ALKAL1: variants seen among roughly 807,000 people sequenced by gnomAD.
The protein encoded by ALKAL1 is ALK and LTK ligand 1.
ALKAL1 carries 23 observed loss-of-function variants against 13.5 expected under a neutral mutation model. The observed-to-expected ratio is 1.70, with a 90% CI of 1.23 to 2.41. The LOEUF is 2.41. Among genes scored for constraint, ALKAL1 ranks in the 30% most tolerant of loss-of-function variants. The probability of loss-of-function intolerance (pLI) is 0.00; values close to 1 mark genes in which losing one functional copy is unlikely to be tolerated. For synonymous variants in ALKAL1, 85 were observed against 77.7 expected, an observed-to-expected ratio of 1.09 and a Z score of -0.49; for missense variants, 181 against 178.4, an observed-to-expected ratio of 1.01 and a Z score of -0.08.
chr8:52,564,965 T>A, intron 1 of ALKAL1, 102 bp downstream of exon 1: 1 of 933,482 alleles, frequency 1.1e-6, no homozygotes, highest in Non-Finnish European at 1.4e-6. Context: ...TCTGCTGTAC[T>A]AATCTCAGGC....
chr8:52,538,542 A>G lies in ALKAL1; in HGVS notation c.326-35T>C, dbSNP rs762142173. Reference sequence around the variant, plus strand: ...ACATTTAAAGGTAAATTATATATAGAGTTACTAGAAATGTTGGGGAAATCC... The same window carrying G: ...ACATTTAAAGGTAAATTATATATAGGGTTACTAGAAATGTTGGGGAAATCC... On this transcript the variant is annotated intron_variant, in intron 3 of 4. Coordinates refer to ENST00000358543, the MANE Select transcript of ALKAL1 (RefSeq NM_207413.4). 17 of 1,373,538 alleles carry G rather than the reference A, an allele frequency of 1.2e-5. No individual in the cohort carries two copies. In the African/African-American group the frequency reaches 2.0e-4, roughly 16 times the overall value. 85.1% of individuals were successfully genotyped at this position (1,373,538 alleles called of 1,614,324 possible).
At chr8:52,540,643 G>A (rs929883830) in intron 2 of ALKAL1, among the ~76,000 whole-genome samples, 1 of 152,218 alleles carries the variant, frequency 6.6e-6, no homozygotes, top group African/African-American at 2.4e-5. Context: ...GCCTGAGGCA[G>A]GAGGATCCTT....
chr8:52,562,586 A>C (rs530038343), intron 1 of ALKAL1, among the ~76,000 whole-genome samples: 1 of 151,138 alleles, frequency 6.6e-6, no homozygotes. Context: ...CCTGGTTACT[A>C]CTCCCTCTAC....
At chr8:52,554,146 T>C (rs754700749) in intron 1 of ALKAL1, among the ~76,000 whole-genome samples, 11 of 152,026 alleles carry the variant, frequency 7.2e-5, no homozygotes, top group African/African-American at 1.4e-4. Flanking sequence ...ATCGCTTGAA[T>C]CCGGGAGGTG....
chr8:52,561,188 G>A (rs1336750809), intron 1 of ALKAL1, among the ~76,000 whole-genome samples: 5 of 152,122 alleles, frequency 3.3e-5, no homozygotes, highest in African/African-American at 1.2e-4. Context: ...TGTCTAAGTG[G>A]GCAGATATAA....
intron 4 of ALKAL1, among the ~76,000 whole-genome samples, chr8:52,535,550 C>CAAAA (rs10719477): frequency 3.5e-4 from 24 of 68,608 alleles, no homozygotes; most frequent in Admixed American, 4.4e-4. Flanking sequence ...GACCCTGTCT[C>CAAAA]AAAAAAAAAA....
intron 4 of ALKAL1, among the ~76,000 whole-genome samples, chr8:52,538,027 C>T (rs1590864414): frequency 6.7e-6 from 1 of 150,046 alleles, no homozygotes; most frequent in Non-Finnish European, 1.5e-5. Context: ...ACCTGGAAGG[C>T]GGAGATTGCA....
At chr8:52,560,646 T>A (rs572588318) in intron 1 of ALKAL1, among the ~76,000 whole-genome samples, 18 of 152,194 alleles carry the variant, frequency 1.2e-4, no homozygotes, top group Admixed American at 2.0e-4. Flanking sequence ...TCTGTTGACC[T>A]CTGCACAGAA....
chr8:52,542,490 TC>T (rs767718750), intron 1 of ALKAL1, 45 bp from the exon 2 acceptor site: 12 of 1,211,608 alleles, frequency 9.9e-6, no homozygotes, highest in Non-Finnish European at 1.4e-5. Flanking sequence ...AATGCATTTC[TC>T]CCATTTAAAA....
At chr8:52,563,140 G>A (rs1044229173) in intron 1 of ALKAL1, among the ~76,000 whole-genome samples, 10 of 152,190 alleles carry the variant, frequency 6.6e-5, no homozygotes, top group South Asian at 2.1e-4. Context: ...AACTATGGCC[G>A]GGCATAGTGG....
At chr8:52,546,608 T>G (rs2150345177) in intron 1 of ALKAL1, among the ~76,000 whole-genome samples, 1 of 152,356 alleles carries the variant, frequency 6.6e-6, no homozygotes, top group South Asian at 2.1e-4. Flanking sequence ...CATAAGCAAC[T>G]TCCTTTTCTT....
At chr8:52,563,888 C>T (rs1021725188) in intron 1 of ALKAL1, among the ~76,000 whole-genome samples, 1 of 152,184 alleles carries the variant, frequency 6.6e-6, no homozygotes, top group Non-Finnish European at 1.5e-5. Context: ...CCTTCCACAC[C>T]CAGGTGTGTG....
intron 1 of ALKAL1, among the ~76,000 whole-genome samples, chr8:52,561,228 G>T (rs1181055533): frequency 2.0e-5 from 3 of 152,072 alleles, no homozygotes; most frequent in Non-Finnish European, 4.4e-5. Context: ...GAGAGAATTT[G>T]GGCTGTACAA....
chr8:52,538,433 G>A lies in ALKAL1; in HGVS notation c.*10C>T. ...AAGAAAAATAAATATATACTCACAG[G>A]GTAGTTTTGCTAGGTCTGGGAGCAC... is the stretch of plus-strand genomic sequence containing the variant. On this transcript the variant is annotated splice_region_variant and 3_prime_UTR_variant, in exon 4 of 5. Transcript: ENST00000358543. 1.9e-6 allele frequency: 3 copies of A among 1,554,624 alleles called. No individual in the cohort carries two copies. Among genetic ancestry groups the A allele is most frequent in the East Asian group, 2.2e-5 (1 of 44,490 alleles).
intron 1 of ALKAL1, among the ~76,000 whole-genome samples, chr8:52,558,795 G>C (rs1847510471): frequency 6.6e-6 from 1 of 152,110 alleles, no homozygotes; most frequent in South Asian, 2.1e-4. Context: ...GTAGTGCTTT[G>C]TCATAGTCCG....
chr8:52,550,040 A>T (rs775366027), intron 1 of ALKAL1, among the ~76,000 whole-genome samples: 3 of 152,228 alleles, frequency 2.0e-5, no homozygotes, highest in Non-Finnish European at 4.4e-5. Flanking sequence ...GTTACATAAC[A>T]TCTGTACCAG....
At chr8:52,539,780 G>A (rs758957363) in intron 3 of ALKAL1, 51 bp downstream of exon 3, 7 of 1,294,392 alleles carry the variant, frequency 5.4e-6, no homozygotes, top group Non-Finnish European at 7.6e-6. Flanking sequence ...AAAATTAAAC[G>A]CATTTATTGT....
Position 52,535,108 on chromosome 8 carries a change from T to C in ALKAL1, c.*13-508A>G, listed in dbSNP as rs1459235030. Among the ~76,000 whole-genome samples the C allele has an allele frequency of 3.9e-5, 6 of 152,176 alleles. No individual in the cohort carries two copies. In the East Asian group the frequency reaches 1.2e-3, roughly 29 times the overall value. On this transcript the variant is annotated intron_variant, in intron 4 of 4. Coordinates refer to ENST00000358543, the MANE Select transcript of ALKAL1 (RefSeq NM_207413.4). ...AACACAGTACTTGTTTGGGAAAACT[T>C]TTCCAGTATTGTGTTGTTTGAGGAC... is the stretch of plus-strand genomic sequence containing the variant.
intron 1 of ALKAL1, among the ~76,000 whole-genome samples, chr8:52,546,022 G>C (rs543427394): frequency 6.6e-6 from 1 of 152,206 alleles, no homozygotes; most frequent in African/African-American, 2.4e-5. Flanking sequence ...GTAGGTAGCT[G>C]TAACACCATG....
Sources: allele counts gnomAD v4.1 joint callset (sites outside exome capture counted in the v4.1 genomes callset), GRCh38; gene constraint gnomAD v4.1.1; transcripts MANE v1.5; gene names NCBI Gene and HGNC (gene_info 2026-07-23, HGNC 2026-07-21).